Variants in PKIB observed in about 807,000 individuals in gnomAD.
PKIB encodes PKI-beta.
PKIB carries 2 observed loss-of-function variants against 4.5 expected under a neutral mutation model. The ratio of observed to expected loss-of-function variants is 0.44; its 90% CI spans 0.18 to 1.39. The LOEUF (loss-of-function observed/expected upper bound fraction) is 1.39, where lower values mean the gene tolerates loss of function less well. Ranked by LOEUF, PKIB falls within the 40% of genes most tolerant of loss-of-function variation. The pLI is 0.27. For synonymous variants in PKIB, 38 were observed against 36.0 expected (o/e 1.06, Z -0.20); for missense variants, 94 against 92.6 (o/e 1.02, Z -0.06).
chr6:122,575,220 A>C (rs953817627), intron 2 of PKIB, among the ~76,000 whole-genome samples: 1 of 152,184 alleles, frequency 6.6e-6, no homozygotes, highest in African/African-American at 2.4e-5. Context: ...CTCTTGCAAG[A>C]ATGGCCGTTT....
At chr6:122,705,937 G>A (rs764011487) in intron 3 of PKIB, among the ~76,000 whole-genome samples, 17 of 152,218 alleles carry the variant, frequency 1.1e-4, no homozygotes, top group Non-Finnish European at 2.1e-4. Context: ...TACAGGATAC[G>A]TTCACATATT....
intron 3 of PKIB, among the ~76,000 whole-genome samples, chr6:122,708,595 G>A (rs1779150602): frequency 6.6e-6 from 1 of 152,000 alleles, no homozygotes; most frequent in African/African-American, 2.4e-5. Flanking sequence ...TTTTTTGAAT[G>A]CCTTTTTAAA....
intron 2 of PKIB, among the ~76,000 whole-genome samples, chr6:122,573,221 A>ATACTAGC (rs1392528312): frequency 6.6e-6 from 1 of 152,160 alleles, no homozygotes; most frequent in Non-Finnish European, 1.5e-5. Context: ...CCTCAACAAA[A>ATACTAGC]TACTAGCTAA....
At chr6:122,507,295 A>G (rs557615885) in intron 2 of PKIB, among the ~76,000 whole-genome samples, 1 of 152,286 alleles carries the variant, frequency 6.6e-6, no homozygotes, top group South Asian at 2.1e-4. Context: ...GAGGGTTTAT[A>G]AGTATCTGTA....
At chr6:122,614,667 T>G (rs1313121917) in intron 1 of PKIB, among the ~76,000 whole-genome samples, 1 of 152,198 alleles carries the variant, frequency 6.6e-6, no homozygotes, top group African/African-American at 2.4e-5. Context: ...CAAGCATGCT[T>G]ATATTTTAAT....
intron 2 of PKIB, among the ~76,000 whole-genome samples, chr6:122,672,051 A>T (rs1777484830): frequency 6.6e-6 from 1 of 152,214 alleles, no homozygotes; most frequent in Non-Finnish European, 1.5e-5. Context: ...GCAAATACTG[A>T]TTGTCCATCA....
chr6:122,670,430 C>G (rs1175387076), intron 2 of PKIB, among the ~76,000 whole-genome samples: 2 of 152,106 alleles, frequency 1.3e-5, no homozygotes, highest in Admixed American at 1.3e-4. Context: ...AAAACTTTTG[C>G]TGGATTTGCT....
chr6:122,623,023 A>G (rs1057464304), intron 1 of PKIB, among the ~76,000 whole-genome samples: 3 of 152,162 alleles, frequency 2.0e-5, no homozygotes, highest in Admixed American at 1.3e-4. Flanking sequence ...GGAATACGTA[A>G]CTTTCCAATT....
intron 2 of PKIB, among the ~76,000 whole-genome samples, chr6:122,659,230 T>C (rs1776891720): frequency 1.3e-5 from 2 of 152,208 alleles, no homozygotes; most frequent in Admixed American, 1.3e-4. Flanking sequence ...AGGCTTTATA[T>C]ACATATAAAA....
chr6:122,547,750 C>G (rs1399300162), intron 2 of PKIB, among the ~76,000 whole-genome samples: 2 of 152,218 alleles, frequency 1.3e-5, no homozygotes, highest in South Asian at 4.1e-4. Flanking sequence ...TCACTGGACA[C>G]GAACCATATG....
At chr6:122,677,839 T>C (rs1777735745) in intron 3 of PKIB, among the ~76,000 whole-genome samples, 2 of 144,038 alleles carry the variant, frequency 1.4e-5, no homozygotes, top group African/African-American at 5.2e-5. Context: ...ACCAGCTTTC[T>C]TTTCTTCCTT....
At chr6:122,679,152 C>T (rs1198644177) in intron 3 of PKIB, among the ~76,000 whole-genome samples, 1 of 152,108 alleles carries the variant, frequency 6.6e-6, no homozygotes, top group Non-Finnish European at 1.5e-5. Context: ...AGTTGTTGCC[C>T]AAGTGAAGAG....
intron 2 of PKIB, among the ~76,000 whole-genome samples, chr6:122,553,476 ATCT>A (rs200263577): frequency 1.8e-4 from 6 of 33,760 alleles, no homozygotes; most frequent in Non-Finnish European, 2.3e-4. Flanking sequence ...TTGCTCAAAT[ATCT>A]TCTTTTTTTT....
At chr6:122,546,131 G>C (rs953696265) in intron 2 of PKIB, among the ~76,000 whole-genome samples, 2 of 152,072 alleles carry the variant, frequency 1.3e-5, no homozygotes, top group Non-Finnish European at 2.9e-5. Context: ...GTCTTCAGCT[G>C]TTTTAAGCTG....
intron 3 of PKIB, chr6:122,701,239 C>A (rs959737165): frequency 2.1e-6 from 1 of 484,314 alleles, no homozygotes; most frequent in Non-Finnish European, 3.7e-6. Context: ...GGCCACTTTC[C>A]TTCCCACAAA....
chr6:122,510,891 G>C (rs933277359), intron 2 of PKIB, among the ~76,000 whole-genome samples: 1 of 152,212 alleles, frequency 6.6e-6, no homozygotes, highest in Non-Finnish European at 1.5e-5. Flanking sequence ...GCAGCAAGCC[G>C]AGTCATGGCG....
At chr6:122,641,769 C>G (rs1327608173) in intron 2 of PKIB, among the ~76,000 whole-genome samples, 1 of 152,224 alleles carries the variant, frequency 6.6e-6, no homozygotes, top group Non-Finnish European at 1.5e-5. Flanking sequence ...TCTCCGCTCA[C>G]TGCAACCTCT....
chr6:122,547,624 C>T (rs1772534819), intron 2 of PKIB, among the ~76,000 whole-genome samples: 1 of 151,090 alleles, frequency 6.6e-6, no homozygotes, highest in African/African-American at 2.5e-5. Context: ...AGGCGTGAGC[C>T]ACCGCGCCCG....
intron 2 of PKIB, among the ~76,000 whole-genome samples, chr6:122,517,423 T>C (rs1776795417): frequency 6.6e-6 from 1 of 152,170 alleles, no homozygotes; most frequent in Admixed American, 6.5e-5. Context: ...ACGATAGGGA[T>C]TTTAAAAAGA....
Sources: allele counts gnomAD v4.1 joint callset (sites outside exome capture counted in the v4.1 genomes callset), GRCh38; gene constraint gnomAD v4.1.1; transcripts MANE v1.5; gene names NCBI Gene and HGNC (gene_info 2026-07-23, HGNC 2026-07-21).